The following AKAP19 variants were observed in gnomAD, a reference collection of about 807,000 sequenced individuals.
AKAP19 encodes small A-kinase anchoring protein.
the AKAP19 span, among the ~76,000 whole-genome samples, chr2:190,037,445 A>C: frequency 6.6e-6 from 1 of 152,212 alleles, no homozygotes; most frequent in Non-Finnish European, 1.5e-5. Flanking sequence ...ATGTCCTTTT[A>C]TTTGGACTCT....
At chr2:189,941,669 A>T in the AKAP19 span, among the ~76,000 whole-genome samples, 1 of 152,238 alleles carries the variant, frequency 6.6e-6, no homozygotes, top group Non-Finnish European at 1.5e-5. Context: ...AACCTGTAAT[A>T]GATTCCCTAA....
At chr2:190,163,461 A>T in the AKAP19 span, among the ~76,000 whole-genome samples, 34 of 150,816 alleles carry the variant, frequency 2.3e-4, no homozygotes, top group South Asian at 6.9e-3. Flanking sequence ...AAAACAAAAA[A>T]AAAAAAAACT....
chr2:190,140,678 T>G, the AKAP19 span, among the ~76,000 whole-genome samples: 1 of 152,180 alleles, frequency 6.6e-6, no homozygotes, highest in Non-Finnish European at 1.5e-5. Flanking sequence ...ACCCGGCCCA[T>G]GAAACCATTT....
chr2:190,030,854 ATGT>A, the AKAP19 span, among the ~76,000 whole-genome samples: 1 of 152,236 alleles, frequency 6.6e-6, no homozygotes, highest in African/African-American at 2.4e-5. Context: ...TAGGCAAGGT[ATGT>A]TAGTAGCCCT....
At chr2:190,054,315 C>T in the AKAP19 span, among the ~76,000 whole-genome samples, 8 of 152,108 alleles carry the variant, frequency 5.3e-5, no homozygotes, top group African/African-American at 1.7e-4. Context: ...GGATCCCTTC[C>T]TTACACCTTA....
chr2:190,026,127 A>G, the AKAP19 span, among the ~76,000 whole-genome samples: 2 of 152,348 alleles, frequency 1.3e-5, no homozygotes, highest in Admixed American at 6.5e-5. Context: ...TATTTTTTCT[A>G]TAATACTACA....
At chr2:190,113,649 G>C in the AKAP19 span, among the ~76,000 whole-genome samples, 1 of 152,226 alleles carries the variant, frequency 6.6e-6, no homozygotes, top group Non-Finnish European at 1.5e-5. Context: ...AATCAATGAA[G>C]TATAGGAGCT....
chr2:189,939,909 G>C, the AKAP19 span, among the ~76,000 whole-genome samples: 1 of 152,088 alleles, frequency 6.6e-6, no homozygotes, highest in Non-Finnish European at 1.5e-5. Context: ...AATTTGGGAG[G>C]CCGAGGCAGG....
chr2:190,181,319 A>G, the AKAP19 span: 2 of 225,826 alleles, frequency 8.9e-6, no homozygotes, highest in African/African-American at 4.7e-5. Flanking sequence ...TACCCCTTCA[A>G]TTTTGTTCTG....
the AKAP19 span, among the ~76,000 whole-genome samples, chr2:190,130,954 T>C: frequency 6.6e-6 from 1 of 152,198 alleles, no homozygotes; most frequent in Non-Finnish European, 1.5e-5. Context: ...CAGATAGATA[T>C]GATCATTTTG....
the AKAP19 span, among the ~76,000 whole-genome samples, chr2:190,091,771 TA>T: frequency 6.6e-6 from 1 of 152,150 alleles, no homozygotes; most frequent in African/African-American, 2.4e-5. Flanking sequence ...TAAATGTGCT[TA>T]AAATTCTTGG....
chr2:190,147,118 A>T, the AKAP19 span, among the ~76,000 whole-genome samples: 3 of 152,174 alleles, frequency 2.0e-5, no homozygotes, highest in South Asian at 6.2e-4. Flanking sequence ...ATCTTCTAGA[A>T]TTTTTATAGT....
the AKAP19 span, among the ~76,000 whole-genome samples, chr2:190,048,640 G>T: frequency 6.6e-6 from 1 of 152,266 alleles, no homozygotes; most frequent in South Asian, 2.1e-4. Context: ...AGGCTGAGTG[G>T]AGTACTCCCC....
At chr2:189,961,176 T>C in the AKAP19 span, among the ~76,000 whole-genome samples, 5 of 152,118 alleles carry the variant, frequency 3.3e-5, no homozygotes, top group African/African-American at 1.2e-4. Flanking sequence ...GTTCCAGCCT[T>C]ATAGAAGAGA....
At chr2:189,942,253 G>T in the AKAP19 span, among the ~76,000 whole-genome samples, 8 of 150,652 alleles carry the variant, frequency 5.3e-5, no homozygotes, top group African/African-American at 2.0e-4. Context: ...ATTTAGAAGT[G>T]TGTGTCACCT....
At chr2:190,181,746 C>T in the AKAP19 span, among the ~76,000 whole-genome samples, 2 of 152,262 alleles carry the variant, frequency 1.3e-5, no homozygotes, top group South Asian at 4.1e-4. Context: ...TTTTTAGGAT[C>T]TAGTGTATGT....
the AKAP19 span, among the ~76,000 whole-genome samples, chr2:190,077,542 G>A: frequency 3.1e-4 from 47 of 152,146 alleles, no homozygotes; most frequent in South Asian, 7.3e-3. Context: ...GGCCTCAAGC[G>A]GTCCACCTGC....
chr2:190,136,439 C>T, the AKAP19 span, among the ~76,000 whole-genome samples: 2 of 152,178 alleles, frequency 1.3e-5, no homozygotes, highest in African/African-American at 4.8e-5. Context: ...CTGGAGCAAA[C>T]ACAATCTGCA....
the AKAP19 span, among the ~76,000 whole-genome samples, chr2:189,922,031 A>G: frequency 5.3e-4 from 81 of 152,340 alleles, no homozygotes; most frequent in Non-Finnish European, 9.3e-4. Flanking sequence ...CATAGCAGAA[A>G]GGTTCTGGAA....
Sources: allele counts gnomAD v4.1 joint callset (sites outside exome capture counted in the v4.1 genomes callset), GRCh38; gene constraint gnomAD v4.1.1; transcripts MANE v1.5; gene names NCBI Gene and HGNC (gene_info 2026-07-23, HGNC 2026-07-21).